The following ENOX1 variants were observed in gnomAD, a reference collection of about 807,000 sequenced individuals.
The protein encoded by ENOX1 is candidate growth-related and time keeping constitutive hydroquinone (NADH) oxidase.
A neutral mutation model predicts 82.5 loss-of-function variants in ENOX1; 42 were observed. That is an observed-to-expected ratio of 0.51 (90% CI 0.40 to 0.66). The LOEUF is 0.66. Among genes scored for constraint, ENOX1 ranks in the 30% least tolerant of loss-of-function variants. The pLI is 0.00. For synonymous variants in ENOX1, 271 were observed against 282.2 expected (o/e 0.96, Z 0.40); for missense variants, 608 against 811.6 (o/e 0.75, Z 3.05).
intron 12 of ENOX1, among the ~76,000 whole-genome samples, chr13:43,295,358 C>A (rs568198023): frequency 6.6e-6 from 1 of 152,268 alleles, no homozygotes; most frequent in Non-Finnish European, 1.5e-5. Flanking sequence ...AATTGTGACT[C>A]ACATGGTGCA....
At chr13:43,685,800 C>T (rs980888272) in intron 1 of ENOX1, among the ~76,000 whole-genome samples, 2 of 151,402 alleles carry the variant, frequency 1.3e-5, no homozygotes, top group Non-Finnish European at 2.9e-5. Context: ...GGGAGGCATA[C>T]CCATTACTTA....
chr13:43,293,771 C>T (rs2046141171), intron 12 of ENOX1, among the ~76,000 whole-genome samples: 1 of 152,226 alleles, frequency 6.6e-6, no homozygotes, highest in South Asian at 2.1e-4. Context: ...TATTCCTTAG[C>T]AGATATTCCA....
intron 5 of ENOX1, among the ~76,000 whole-genome samples, chr13:43,407,094 A>T (rs891031980): frequency 2.0e-5 from 3 of 152,184 alleles, no homozygotes; most frequent in Non-Finnish European, 4.4e-5. Flanking sequence ...AAAGAAATTA[A>T]GTTATACAGG....
chr13:43,466,270 C>T (rs116871329), intron 3 of ENOX1, among the ~76,000 whole-genome samples: 2 of 152,038 alleles, frequency 1.3e-5, no homozygotes, highest in East Asian at 1.9e-4. Flanking sequence ...AAGTAAAAAT[C>T]CACTAAGGAT....
At chr13:43,752,608 ACT>A (rs776492279) in intron 1 of ENOX1, among the ~76,000 whole-genome samples, 62 of 152,230 alleles carry the variant, frequency 4.1e-4, no homozygotes, top group Non-Finnish European at 7.5e-4. Context: ...TTGTTTTGAC[ACT>A]ATTTGTTGAA....
chr13:43,322,778 A>G (rs886767181), intron 10 of ENOX1, among the ~76,000 whole-genome samples: 2 of 152,186 alleles, frequency 1.3e-5, no homozygotes, highest in African/African-American at 2.4e-5. Context: ...TACAAAGCGG[A>G]TAATAACATC....
At chr13:43,289,710 C>T (rs1037979975) in intron 12 of ENOX1, among the ~76,000 whole-genome samples, 4 of 151,986 alleles carry the variant, frequency 2.6e-5, no homozygotes, top group African/African-American at 9.7e-5. Flanking sequence ...GTAACAAAAC[C>T]AAAAATAGAC....
chr13:43,239,961 G>C (rs1322465695), intron 14 of ENOX1, among the ~76,000 whole-genome samples: 1 of 152,120 alleles, frequency 6.6e-6, no homozygotes, highest in Non-Finnish European at 1.5e-5. Context: ...GACAATTATC[G>C]ATAATCTCCA....
intron 2 of ENOX1, among the ~76,000 whole-genome samples, chr13:43,505,199 C>A (rs2077111380): frequency 6.6e-6 from 1 of 151,930 alleles, no homozygotes; most frequent in African/African-American, 2.4e-5. Flanking sequence ...TTATTCCATG[C>A]CTTCTCAGGT....
intron 3 of ENOX1, among the ~76,000 whole-genome samples, chr13:43,413,848 T>C (rs965204472): frequency 6.6e-6 from 1 of 151,550 alleles, no homozygotes. Flanking sequence ...TCTCCACCCT[T>C]AGAAATGCAA....
chr13:43,740,567 A>G (rs1292141465), intron 1 of ENOX1, among the ~76,000 whole-genome samples: 1 of 152,014 alleles, frequency 6.6e-6, no homozygotes, highest in Non-Finnish European at 1.5e-5. Flanking sequence ...TGTACAGATT[A>G]TGTCATTACC....
chr13:43,703,869 T>TA (rs1245857967), intron 1 of ENOX1, among the ~76,000 whole-genome samples: 10 of 151,952 alleles, frequency 6.6e-5, no homozygotes, highest in African/African-American at 2.2e-4. Flanking sequence ...TATATTTTTT[T>TA]AAAAAACAGC....
intron 15 of ENOX1, among the ~76,000 whole-genome samples, chr13:43,228,004 C>A (rs2042103701): frequency 1.3e-5 from 2 of 151,746 alleles, no homozygotes; most frequent in African/African-American, 4.8e-5. Flanking sequence ...ATCAGTCATG[C>A]CACTTGAGAA....
chr13:43,253,384 A>C (rs1593544650), intron 14 of ENOX1, among the ~76,000 whole-genome samples: 1 of 152,200 alleles, frequency 6.6e-6, no homozygotes, highest in African/African-American at 2.4e-5. Flanking sequence ...GCTATGTGTC[A>C]ATGAGATGGA....
At chr13:43,304,986 C>A (rs956182893) in intron 11 of ENOX1, among the ~76,000 whole-genome samples, 2 of 152,044 alleles carry the variant, frequency 1.3e-5, no homozygotes, top group Non-Finnish European at 2.9e-5. Context: ...ATGCTGACCT[C>A]CCATGAACTC....
At chr13:43,441,837 A>T (rs1346398521) in intron 3 of ENOX1, among the ~76,000 whole-genome samples, 1 of 152,056 alleles carries the variant, frequency 6.6e-6, no homozygotes, top group Admixed American at 6.5e-5. Flanking sequence ...AGCAAGAAAG[A>T]ACACTTTTTT....
chr13:43,477,787 T>C (rs1352013910), intron 3 of ENOX1, among the ~76,000 whole-genome samples: 2 of 152,298 alleles, frequency 1.3e-5, no homozygotes, highest in Non-Finnish European at 1.5e-5. Flanking sequence ...TTTCTACAAA[T>C]GTTTATAGAG....
chr13:43,359,977 C>T lies in ENOX1; in HGVS notation c.463G>A (p.Glu155Lys). 1 of 1,614,232 alleles carries T rather than the reference C, an allele frequency of 6.2e-7. No individual in the cohort carries two copies. The highest frequency in any genetic ancestry group is 8.5e-7 in the Non-Finnish European group (1 of 1,180,038). ...FVGGLPENAT[E>K]EIIQEVFEQC... ...TCAAAGACTTCTTGAATAATTTCCT[C>T]AGTAGCATTTTCTGGTAATCCTCCG... Residue 155 changes from glutamate to lysine, a missense_variant, in exon 7 of 17, where the codon GAG becomes AAG. Glu to Lys is a moderately conservative substitution (Grantham distance 56). Coordinates refer to ENST00000690772, the MANE Select transcript of ENOX1 (RefSeq NM_001347969.2).
intron 12 of ENOX1, among the ~76,000 whole-genome samples, chr13:43,284,239 T>C (rs34059211): frequency 0.016 from 2,407 of 152,174 alleles, 44 homozygotes; most frequent in Non-Finnish European, 0.022. Context: ...TAAGTGGCAC[T>C]GAAGATAAGA....
Sources: gnomAD v4.1 joint callset for allele counts (sites outside exome capture counted in the v4.1 genomes callset) on GRCh38, gnomAD v4.1.1 for gene constraint, MANE v1.5 for transcripts, NCBI Gene and HGNC (gene_info 2026-07-23, HGNC 2026-07-21) for gene names.